FANCD2: variants seen among roughly 807,000 people sequenced by gnomAD.
FANCD2 encodes FA complementation group D2.
Under a neutral mutation model 192.3 loss-of-function variants are expected in FANCD2, and 131 were observed. The ratio of observed to expected loss-of-function variants is 0.68; its 90% confidence interval spans 0.59 to 0.79. The LOEUF (loss-of-function observed/expected upper bound fraction) is 0.79, where lower values mean the gene tolerates loss of function less well. FANCD2 is among the 30% of genes least tolerant of loss of function. The pLI is 0.00. For missense variants in FANCD2, 1,508 were observed against 1,701.6 expected (o/e 0.89, Z 2.00); for synonymous variants, 524 against 612.5 (o/e 0.86, Z 2.13).
At chr3:10,060,185 G>T (rs961167262) in intron 18 of FANCD2, 109 bp from the exon 19 acceptor site, 5 of 671,768 alleles carry the variant, frequency 7.4e-6, no homozygotes, top group African/African-American at 1.9e-5. Context: ...AAAAAAAACA[G>T]TTAGTAAACG....
chr3:10,057,635 T>G (rs1333275342), intron 18 of FANCD2, among the ~76,000 whole-genome samples: 1 of 152,172 alleles, frequency 6.6e-6, no homozygotes, highest in Non-Finnish European at 1.5e-5. Flanking sequence ...AGTGCTGTGA[T>G]TACAGGCATG....
rs1356755641 is a variant in FANCD2, at chr3:10,060,404, G to T, written c.1766+1G>T. On this transcript the variant is annotated splice_donor_variant, in intron 19 of 43. Transcript: ENST00000675286. LOFTEE classifies it high-confidence loss of function. ...TGGCTGGCATCATGGCGGCAGACAG[G>T]TACACGTGGAGATTCTGACTTCTGT... The T allele has an allele frequency of 6.2e-7, 1 of 1,610,088 alleles. No homozygotes were observed. Among genetic ancestry groups the T allele is most frequent in the African/African-American group, 1.3e-5 (1 of 74,814 alleles).
chr3:10,027,616 T>G (rs2086483959), intron 1 of FANCD2, among the ~76,000 whole-genome samples: 1 of 152,112 alleles, frequency 6.6e-6, no homozygotes, highest in South Asian at 2.1e-4. Context: ...TAAAAATCAC[T>G]TCTTCAGGCC....
At chr3:10,046,476 T>C in intron 14 of FANCD2, 104 bp from the exon 15 acceptor site, 1 of 1,556,082 alleles carries the variant, frequency 6.4e-7, no homozygotes, top group Non-Finnish European at 8.7e-7. Flanking sequence ...CAAATGAGCA[T>C]TATCCATTCT....
intron 9 of FANCD2, 51 bp downstream of exon 9, chr3:10,039,896 T>A: frequency 1.2e-6 from 2 of 1,610,786 alleles, no homozygotes; most frequent in Non-Finnish European, 1.7e-6. Flanking sequence ...ATGGGGGTTC[T>A]ATCACTGCAG....
chr3:10,047,711 A>T (rs2087064242), intron 15 of FANCD2, among the ~76,000 whole-genome samples: 1 of 152,270 alleles, frequency 6.6e-6, no homozygotes. Flanking sequence ...GTCAATTATT[A>T]TCCAAACGTG....
chr3:10,044,345 A>G (rs1348566354), intron 14 of FANCD2, among the ~76,000 whole-genome samples: 4 of 151,814 alleles, frequency 2.6e-5, no homozygotes. Flanking sequence ...TTATGTCTCT[A>G]TTAATTCTAG....
chr3:10,067,325 A>G lies in FANCD2; in HGVS notation c.2494+8A>G, dbSNP rs746456122. On this transcript the variant is annotated splice_region_variant and intron_variant, in intron 26 of 43. Coordinates refer to ENST00000675286, the MANE Select transcript of FANCD2 (RefSeq NM_001018115.3). The stretch of plus-strand genomic sequence containing the variant: ...TGGAAAAGTACTTGGCAGGTAAGAG[A>G]AGTGTCCTATACTGGTAGTACTACT... 9.0e-6 allele frequency: 14 copies of G among 1,556,016 alleles called. No individual in the cohort carries two copies. In the South Asian group the frequency reaches 1.2e-4, roughly 14 times the overall value.
intron 11 of FANCD2, among the ~76,000 whole-genome samples, 160 bp from the exon 12 acceptor site, chr3:10,042,890 C>T (rs554040601): frequency 1.3e-5 from 2 of 152,204 alleles, no homozygotes; most frequent in Non-Finnish European, 2.9e-5. Flanking sequence ...TGTTCTATGA[C>T]ATTGCATTGG....
At position 10,034,151 on chromosome 3, in the gene FANCD2, G is replaced by A. The variant is rs981127696; in HGVS notation, c.206-318G>A. 6.9e-4 allele frequency among the ~76,000 whole-genome samples: 103 copies of A among 149,862 alleles called. 1 individual carries two copies. The highest frequency in any genetic ancestry group is 2.8e-4 in the Non-Finnish European group (19 of 67,390). On this transcript the variant is annotated intron_variant, in intron 3 of 43. Coordinates refer to ENST00000675286, the MANE Select transcript of FANCD2 (RefSeq NM_001018115.3). Reference sequence around the variant, plus strand: ...ATCCTGGCTAACACAGTGAAACCCTGTCTCTACTAAAAATACAAAAAACGA... The same window carrying A: ...ATCCTGGCTAACACAGTGAAACCCTATCTCTACTAAAAATACAAAAAACGA...
chr3:10,066,782 T>G (rs969962296), intron 25 of FANCD2, among the ~76,000 whole-genome samples: 2 of 152,170 alleles, frequency 1.3e-5, no homozygotes, highest in African/African-American at 2.4e-5. Context: ...TGGAGTGCGG[T>G]GGCTCAATCT....
chr3:10,082,915 C>A, intron 32 of FANCD2, among the ~76,000 whole-genome samples: 1 of 152,128 alleles, frequency 6.6e-6, no homozygotes. Flanking sequence ...ATCAAAGAGA[C>A]TTATAGATGG....
Position 10,054,807 on chromosome 3 carries a change from T to C in FANCD2, c.1656+2310T>C, listed in dbSNP as rs561195125. ...CACAACCATCATATTTTTTATCTTT[T>C]TTTCCCCCCCTTTCTTGGATCCCCA... On this transcript the variant is annotated intron_variant, in intron 18 of 43. Coordinates refer to ENST00000675286, the MANE Select transcript of FANCD2 (RefSeq NM_001018115.3). Among the ~76,000 whole-genome samples, 23 of 151,610 alleles carry C rather than the reference T, an allele frequency of 1.5e-4. 1 individual carries two copies. The South Asian group carries it at 3.1e-3, about 21-fold the overall frequency.
chr3:10,064,614 G>A (rs2087663247), intron 22 of FANCD2, 115 bp from the exon 23 acceptor site: 1 of 1,341,816 alleles, frequency 7.5e-7, no homozygotes, highest in African/African-American at 1.4e-5. Context: ...TTCACTGTTT[G>A]TTCTTCTAAT....
intron 29 of FANCD2, 137 bp downstream of exon 29, chr3:10,074,810 A>T: frequency 1.4e-6 from 1 of 715,724 alleles, no homozygotes; most frequent in Non-Finnish European, 2.4e-6. Context: ...TGTGAAAGCA[A>T]TGATGAATAA....
At chr3:10,047,390 T>A (rs1194550199) in intron 15 of FANCD2, among the ~76,000 whole-genome samples, 1 of 152,300 alleles carries the variant, frequency 6.6e-6, no homozygotes, top group African/African-American at 2.4e-5. Flanking sequence ...ATAAGATTTT[T>A]AAAAATTATG....
intron 38 of FANCD2, among the ~76,000 whole-genome samples, 192 bp downstream of exon 38, chr3:10,092,444 T>TC (rs1694686788): frequency 6.7e-6 from 1 of 148,692 alleles, no homozygotes. Context: ...TTTTTTTTTG[T>TC]CTTTTCCTTC....
At chr3:10,074,452 G>A in intron 28 of FANCD2, 78 bp from the exon 29 acceptor site, 1 of 1,312,772 alleles carries the variant, frequency 7.6e-7, no homozygotes, top group South Asian at 1.3e-5. Context: ...ATGCATATTT[G>A]TACTTTGAAG....
At chr3:10,076,284 CTT>C (rs58896767) in intron 29 of FANCD2, among the ~76,000 whole-genome samples, 1 of 144,826 alleles carries the variant, frequency 6.9e-6, no homozygotes, top group Non-Finnish European at 1.5e-5. Flanking sequence ...TTGAATTAGT[CTT>C]TTTTTTTTTT....
Sources: gnomAD v4.1 joint callset for allele counts (sites outside exome capture counted in the v4.1 genomes callset) on GRCh38, gnomAD v4.1.1 for gene constraint, MANE v1.5 for transcripts, NCBI Gene and HGNC (gene_info 2026-07-23, HGNC 2026-07-21) for gene names.